ADAMTSL1: variants seen among roughly 807,000 people sequenced by gnomAD.
ADAMTSL1 encodes ADAMTS-like protein 1.
A neutral mutation model predicts 201.8 loss-of-function variants in ADAMTSL1; 126 were observed. The observed-to-expected ratio is 0.62, with a 90% CI of 0.54 to 0.72. The LOEUF is 0.72. ADAMTSL1 is among the 30% of genes least tolerant of loss of function. The pLI is 0.00. For missense variants in ADAMTSL1, 2,679 were observed against 2,277.8 expected (o/e 1.18, Z -3.59); for synonymous variants, 1,121 against 903.4 (o/e 1.24, Z -4.32).
intron 17 of ADAMTSL1, among the ~76,000 whole-genome samples, chr9:18,771,149 T>C (rs1007205644): frequency 6.6e-6 from 1 of 152,184 alleles, no homozygotes; most frequent in Non-Finnish European, 1.5e-5. Flanking sequence ...TACTCCCAGA[T>C]GTTTCTGTCT....
intron 1 of ADAMTSL1, among the ~76,000 whole-genome samples, chr9:17,914,947 C>G (rs1329888987): frequency 6.6e-6 from 1 of 152,134 alleles, no homozygotes; most frequent in Middle Eastern, 3.2e-3. Context: ...TGTTATCCTC[C>G]TGTATGTTCT....
Position 18,777,765 on chromosome 9 carries a change from C to G in ADAMTSL1, c.3536C>G (p.Ser1179Trp), listed in dbSNP as rs542298320. ...TCAGCGGCCCAGCAGCTCTCAGCCT[C>G]GGAGGTGGTCACCCACCTGGGGCAG... is the stretch of plus-strand genomic sequence containing the variant. Reference protein sequence around the residue: ...KISAAQQLSASEVVTHLGQTV... With the variant: ...KISAAQQLSAWEVVTHLGQTV... Residue 1179 changes from serine to tryptophan, a missense_variant, in exon 19 of 29, where the codon TCG (serine) becomes TGG (tryptophan). Physicochemically the swap from Ser to Trp is radical, Grantham distance 177 (BLOSUM62 -3). Coordinates refer to ENST00000380548, the MANE Select transcript of ADAMTSL1 (RefSeq NM_001040272.6). The G allele has an allele frequency of 8.0e-5, 129 of 1,613,718 alleles. 2 individuals carry two copies. The South Asian group carries it at 1.4e-3, about 17-fold the overall frequency.
At chr9:18,108,301 G>A (rs994472016) in intron 1 of ADAMTSL1, among the ~76,000 whole-genome samples, 5 of 149,156 alleles carry the variant, frequency 3.4e-5, no homozygotes, top group Non-Finnish European at 7.4e-5. Context: ...CCAGGCTCAA[G>A]CCATCTTCCC....
At chr9:18,497,920 A>G (rs1361076115) in intron 1 of ADAMTSL1, among the ~76,000 whole-genome samples, 7 of 152,216 alleles carry the variant, frequency 4.6e-5, no homozygotes. Context: ...GAAGTATTTG[A>G]CATTGAACAG....
At chr9:18,581,440 C>G (rs1823084985) in intron 4 of ADAMTSL1, among the ~76,000 whole-genome samples, 1 of 152,158 alleles carries the variant, frequency 6.6e-6, no homozygotes, top group South Asian at 2.1e-4. Flanking sequence ...CTGTCTGGCT[C>G]CCAAATTTAC....
chr9:18,178,055 A>G lies in ADAMTSL1; in HGVS notation c.207+14074A>G, dbSNP rs149278381. ...GGCCGAATAGGAACAGCTCCAGTCT[A>G]CAGCTCCCAGCATGAGCGACGCAGA... On this transcript the variant is annotated intron_variant, in intron 2 of 29. Transcript: ENST00000680146. 4.3e-3 allele frequency among the ~76,000 whole-genome samples: 658 copies of G among 152,330 alleles called. 5 individuals carry two copies. Among genetic ancestry groups the G allele is most frequent in the African/African-American group, 0.015 (613 of 41,586 alleles).
intron 1 of ADAMTSL1, among the ~76,000 whole-genome samples, chr9:18,126,017 C>G (rs1825714513): frequency 6.6e-6 from 1 of 152,142 alleles, no homozygotes; most frequent in Non-Finnish European, 1.5e-5. Flanking sequence ...GGAACCCTGC[C>G]TGACGTACCT....
Position 18,093,791 on chromosome 9 carries a change from A to G in ADAMTSL1, c.88-70071A>G, listed in dbSNP as rs1199598859. On this transcript the variant is annotated intron_variant, in intron 1 of 29. Coordinates refer to the ADAMTSL1 transcript ENST00000680146. ...AAGAAATCACTTTCCACTGAGGAAG[A>G]GATCACACAAAGCTTCTTGGAAAGC... Among the ~76,000 whole-genome samples the G allele has an allele frequency of 2.0e-5, 3 of 152,312 alleles. No homozygotes were observed. In the South Asian group the frequency reaches 6.2e-4, roughly 32 times the overall value.
At chr9:18,615,347 G>A (rs1170833076) in intron 4 of ADAMTSL1, among the ~76,000 whole-genome samples, 1 of 152,212 alleles carries the variant, frequency 6.6e-6, no homozygotes, top group East Asian at 1.9e-4. Flanking sequence ...GTGACCGCAG[G>A]TGTTGTTGGG....
chr9:18,189,776 T>A (rs1056289764), intron 2 of ADAMTSL1, among the ~76,000 whole-genome samples: 2 of 151,974 alleles, frequency 1.3e-5, no homozygotes, highest in East Asian at 1.9e-4. Flanking sequence ...TATGTTTTTT[T>A]AAAAAAAACT....
intron 2 of ADAMTSL1, among the ~76,000 whole-genome samples, chr9:18,360,361 G>T (rs1283621701): frequency 6.6e-6 from 1 of 152,178 alleles, no homozygotes; most frequent in Non-Finnish European, 1.5e-5. Flanking sequence ...CAGTGCACTG[G>T]ATTGCAGGAA....
At position 18,099,326 on chromosome 9, in the gene ADAMTSL1, AATATATAT is replaced by A. The variant is rs71333027; in HGVS notation, c.88-64513_88-64506del. Reference sequence around the variant, plus strand: ...TGTTTTTGCTTTGCTGCAAATGGAAAATATATATATATATATATATATATATATATTTT... The same window carrying A: ...TGTTTTTGCTTTGCTGCAAATGGAAAATATATATATATATATATATATTTT... On this transcript the variant is annotated intron_variant, in intron 1 of 29. Coordinates refer to the ADAMTSL1 transcript ENST00000680146. 2.6e-4 allele frequency among the ~76,000 whole-genome samples: 15 copies of A among 57,602 alleles called. No homozygotes were observed. In the East Asian group the frequency reaches 5.5e-3, roughly 21 times the overall value. The allele number at this position is 57,602 out of a possible 152,430, so 37.8% of individuals were successfully genotyped here.
At chr9:18,901,256 G>A (rs1830000868) in intron 26 of ADAMTSL1, among the ~76,000 whole-genome samples, 1 of 152,114 alleles carries the variant, frequency 6.6e-6, no homozygotes, top group African/African-American at 2.4e-5. Context: ...GACATTCCAG[G>A]GAGCTTGTTG....
At chr9:17,992,147 A>T (rs1402454660) in intron 1 of ADAMTSL1, among the ~76,000 whole-genome samples, 1 of 151,912 alleles carries the variant, frequency 6.6e-6, no homozygotes, top group Non-Finnish European at 1.5e-5. Flanking sequence ...AGAGAAAGAG[A>T]CCCTTTTCCC....
intron 1 of ADAMTSL1, among the ~76,000 whole-genome samples, chr9:18,127,583 G>T (rs1825792466): frequency 6.6e-6 from 1 of 151,826 alleles, no homozygotes; most frequent in African/African-American, 2.4e-5. Flanking sequence ...TGTTCCTCTA[G>T]CTTGGTGGGC....
At chr9:18,016,537 G>T (rs1343779259) in intron 1 of ADAMTSL1, among the ~76,000 whole-genome samples, 1 of 151,920 alleles carries the variant, frequency 6.6e-6, no homozygotes, top group East Asian at 1.9e-4. Flanking sequence ...AGACCCTGAT[G>T]TACATGATAT....
At chr9:18,719,447 C>T (rs1013851373) in intron 14 of ADAMTSL1, among the ~76,000 whole-genome samples, 1 of 152,082 alleles carries the variant, frequency 6.6e-6, no homozygotes, top group East Asian at 1.9e-4. Flanking sequence ...TCCCTGCAAC[C>T]TTCACCTCCC....
chr9:18,229,288 C>G (rs1830554844), intron 2 of ADAMTSL1, among the ~76,000 whole-genome samples: 1 of 152,040 alleles, frequency 6.6e-6, no homozygotes, highest in Non-Finnish European at 1.5e-5. Flanking sequence ...GAGAATCCAA[C>G]TGTGTGAAGT....
At chr9:18,098,555 G>T (rs1419987058) in intron 1 of ADAMTSL1, among the ~76,000 whole-genome samples, 1 of 152,136 alleles carries the variant, frequency 6.6e-6, no homozygotes, top group Non-Finnish European at 1.5e-5. Context: ...TAATTGATTT[G>T]CATATATTGG....
Sources: allele counts gnomAD v4.1 joint callset (sites outside exome capture counted in the v4.1 genomes callset), GRCh38; gene constraint gnomAD v4.1.1; transcripts MANE v1.5; gene names NCBI Gene and HGNC (gene_info 2026-07-23, HGNC 2026-07-21).